ZDHHC14: variants seen among roughly 807,000 people sequenced by gnomAD.
ZDHHC14 encodes zDHHC palmitoyltransferase 14.
Under a neutral mutation model 47.7 loss-of-function variants are expected in ZDHHC14, and 16 were observed. The ratio of observed to expected loss-of-function variants is 0.34; its 90% CI spans 0.23 to 0.51. The LOEUF (loss-of-function observed/expected upper bound fraction) is 0.51, where lower values mean the gene tolerates loss of function less well. Among genes scored for constraint, ZDHHC14 ranks in the 20% least tolerant of loss-of-function variants. The pLI is 0.97. For synonymous variants in ZDHHC14, 293 were observed against 278.9 expected (o/e 1.05, Z -0.50); for missense variants, 515 against 662.5 (o/e 0.78, Z 2.44).
intron 4 of ZDHHC14, chr6:157,631,096 CATAT>C (rs978891720): frequency 6.6e-6 from 1 of 152,254 alleles, no homozygotes; most frequent in Non-Finnish European, 1.5e-5. Context: ...CACCCACACT[CATAT>C]ATAGTCACCA....
At chr6:157,624,558 G>A (rs761745777) in intron 3 of ZDHHC14, among the ~76,000 whole-genome samples, 5 of 152,156 alleles carry the variant, frequency 3.3e-5, no homozygotes, top group Non-Finnish European at 7.3e-5. Context: ...TTAGTATTCC[G>A]AGCACCTGAT....
At chr6:157,542,505 A>C in intron 1 of ZDHHC14, 80 bp from the exon 2 acceptor site, 1 of 1,501,500 alleles carries the variant, frequency 6.7e-7, no homozygotes, top group Non-Finnish European at 9.0e-7. Flanking sequence ...CTTAGAAGAT[A>C]AAGACTGCTT....
At chr6:157,517,923 A>ACGT (rs955567632) in intron 1 of ZDHHC14, among the ~76,000 whole-genome samples, 47 of 152,324 alleles carry the variant, frequency 3.1e-4, no homozygotes, top group Admixed American at 2.8e-3. Flanking sequence ...TCAAAGCCCC[A>ACGT]CGTGTGAACC....
At chr6:157,462,267 A>T (rs982565502) in intron 1 of ZDHHC14, among the ~76,000 whole-genome samples, 5 of 152,176 alleles carry the variant, frequency 3.3e-5, no homozygotes, top group African/African-American at 9.7e-5. Context: ...GTTGACGGAC[A>T]TGCCTGTTCA....
At chr6:157,385,621 G>A (rs541149408) in intron 1 of ZDHHC14, among the ~76,000 whole-genome samples, 24 of 152,352 alleles carry the variant, frequency 1.6e-4, no homozygotes, top group African/African-American at 5.5e-4. Flanking sequence ...CTCAGCAACA[G>A]GTGTTGATAC....
intron 1 of ZDHHC14, among the ~76,000 whole-genome samples, chr6:157,428,080 C>T (rs542429994): frequency 1.3e-5 from 2 of 152,264 alleles, no homozygotes; most frequent in Admixed American, 6.5e-5. Flanking sequence ...ATCTTCAGCA[C>T]CTTATTCAAC....
In ZDHHC14 at chr6:157,569,077, A is replaced by G. The variant is rs559083426; in HGVS notation, c.407-23911A>G. ...TTGACATACAGGTCTTTTATTTTCTATGTGGTCAGAGTATCAATCTTTTCT... is the reference window on the plus strand; with the variant it reads ...TTGACATACAGGTCTTTTATTTTCTGTGTGGTCAGAGTATCAATCTTTTCT... On this transcript the variant is annotated intron_variant, in intron 2 of 8. Transcript: ENST00000359775. 1.8e-3 allele frequency among the ~76,000 whole-genome samples: 274 copies of G among 152,076 alleles called. 1 individual carries two copies. Among genetic ancestry groups the G allele is most frequent in the Non-Finnish European group, 3.0e-3 (206 of 67,932 alleles).
intron 1 of ZDHHC14, 73 bp downstream of exon 1, chr6:157,382,339 G>A: frequency 6.5e-7 from 1 of 1,547,126 alleles, no homozygotes. Context: ...TCCTCGGGCT[G>A]CTTTCGTTTT....
intron 2 of ZDHHC14, among the ~76,000 whole-genome samples, chr6:157,584,797 A>G (rs537231902): frequency 6.6e-6 from 1 of 152,276 alleles, no homozygotes; most frequent in Admixed American, 6.5e-5. Flanking sequence ...AAGTGCTGTT[A>G]TTATTTCTGT....
In ZDHHC14 at chr6:157,488,078, G is replaced by A. The variant is rs1213828470; in HGVS notation, c.246-54507G>A. Among the ~76,000 whole-genome samples the A allele has an allele frequency of 2.6e-5, 4 of 152,190 alleles. No homozygotes were observed. The South Asian group carries it at 8.3e-4, about 31-fold the overall frequency. ...GAGAATCCAAGCCATCCCTCCCAGA[G>A]AGAAGGCATCCCGTACCCACCACGC... On this transcript the variant is annotated intron_variant, in intron 1 of 8. Transcript: ENST00000359775.
At chr6:157,614,758 ACT>A (rs1218941508) in intron 3 of ZDHHC14, among the ~76,000 whole-genome samples, 1 of 137,716 alleles carries the variant, frequency 7.3e-6, no homozygotes, top group Non-Finnish European at 1.5e-5. Context: ...CCAGCTTGAA[ACT>A]CTTCATGTTT....
rs575632937 is a variant in ZDHHC14 at position 157,566,091 on chromosome 6, T to C, written c.406+23346T>C. Among the ~76,000 whole-genome samples the C allele has an allele frequency of 8.5e-5, 13 of 152,298 alleles. No individual in the cohort carries two copies. The East Asian group carries it at 2.5e-3, about 29-fold the overall frequency. ...GCATAAAAGGCACTTTTCTTAGAGA[T>C]AAATGTTATGCCGATGTTACCAAGC... On this transcript the variant is annotated intron_variant, in intron 2 of 8. Coordinates refer to ENST00000359775, the MANE Select transcript of ZDHHC14 (RefSeq NM_024630.3).
rs533553340 is a variant in ZDHHC14 at position 157,580,317 on chromosome 6, T to C, written c.407-12671T>C. On this transcript the variant is annotated intron_variant, in intron 2 of 8. Coordinates refer to ENST00000359775, the MANE Select transcript of ZDHHC14 (RefSeq NM_024630.3). ...AGTTTATTAGTATTTTCTTGAGGAT[T>C]TTTGCTTCTATATTCATTTGGGATA... 1.7e-4 allele frequency among the ~76,000 whole-genome samples: 26 copies of C among 152,298 alleles called. No individual in the cohort carries two copies. The South Asian group carries it at 5.0e-3, about 29-fold the overall frequency.
chr6:157,435,508 G>T (rs9347249), intron 1 of ZDHHC14, among the ~76,000 whole-genome samples: 36,569 of 151,876 alleles, frequency 0.24, 4,692 homozygotes, highest in African/African-American at 0.33. Flanking sequence ...CAGTAAGGTG[G>T]GCACCCTCCT....
At chr6:157,651,761 G>A (rs1777848430) in intron 7 of ZDHHC14, among the ~76,000 whole-genome samples, 1 of 152,122 alleles carries the variant, frequency 6.6e-6, no homozygotes, top group Non-Finnish European at 1.5e-5. Context: ...TAGTAGAGGT[G>A]GGGTTTCACC....
intron 2 of ZDHHC14, among the ~76,000 whole-genome samples, chr6:157,568,386 A>G (rs1319496251): frequency 1.3e-5 from 2 of 152,152 alleles, no homozygotes; most frequent in Non-Finnish European, 2.9e-5. Context: ...TTTTCTCTGC[A>G]TAATGTATTT....
chr6:157,447,700 A>G (rs1042509109), intron 1 of ZDHHC14, among the ~76,000 whole-genome samples: 3 of 152,152 alleles, frequency 2.0e-5, no homozygotes, highest in Non-Finnish European at 4.4e-5. Flanking sequence ...TGTGTTTGTG[A>G]AGGAAGGAGG....
chr6:157,540,366 C>T (rs1209655278), intron 1 of ZDHHC14, among the ~76,000 whole-genome samples: 3 of 152,192 alleles, frequency 2.0e-5, no homozygotes, highest in Admixed American at 1.3e-4. Flanking sequence ...GCTGTAAGAG[C>T]AAGAGGCAGC....
chr6:157,438,634 G>A (rs1424732771), intron 1 of ZDHHC14, among the ~76,000 whole-genome samples: 3 of 152,162 alleles, frequency 2.0e-5, no homozygotes, highest in Non-Finnish European at 2.9e-5. Flanking sequence ...CGTACAAGAC[G>A]CTTGTGTCTT....
Sources: gnomAD v4.1 joint callset for allele counts (sites outside exome capture counted in the v4.1 genomes callset) on GRCh38, gnomAD v4.1.1 for gene constraint, MANE v1.5 for transcripts, NCBI Gene and HGNC (gene_info 2026-07-23, HGNC 2026-07-21) for gene names.